The following PTPRG variants were observed in gnomAD, a reference collection of about 807,000 sequenced individuals.
PTPRG encodes receptor-type tyrosine-protein phosphatase gamma.
In PTPRG, 102 loss-of-function variants were observed where a neutral mutation model predicts 165.3. The ratio of observed to expected loss-of-function variants is 0.62; its 90% CI spans 0.53 to 0.73. The LOEUF (loss-of-function observed/expected upper bound fraction) is 0.73. Ranked by LOEUF, PTPRG falls within the 30% of genes least tolerant of loss-of-function variation. The pLI is 0.00. For missense variants in PTPRG, 1,866 were observed against 1,861.4 expected (o/e 1.00, Z -0.05); for synonymous variants, 675 against 669.5 (o/e 1.01, Z -0.13).
chr3:61,951,126 C>T (rs947016595), intron 2 of PTPRG, among the ~76,000 whole-genome samples: 1 of 152,220 alleles, frequency 6.6e-6, no homozygotes. Flanking sequence ...AGTGATAATG[C>T]ATGCCTATAC....
intron 1 of PTPRG, among the ~76,000 whole-genome samples, chr3:61,706,175 T>TA (rs1484629699): frequency 1.3e-5 from 2 of 150,160 alleles, no homozygotes; most frequent in African/African-American, 4.9e-5. Flanking sequence ...GGGCTATCAC[T>TA]AAAAAAAGAA....
At chr3:61,644,829 A>T (rs1319926604) in intron 1 of PTPRG, among the ~76,000 whole-genome samples, 1 of 152,172 alleles carries the variant, frequency 6.6e-6, no homozygotes. Flanking sequence ...AGATTGCTGG[A>T]ACTTTGTGCC....
chr3:61,594,109 G>A (rs939389158), intron 1 of PTPRG, among the ~76,000 whole-genome samples: 2 of 152,108 alleles, frequency 1.3e-5, no homozygotes, highest in African/African-American at 4.8e-5. Context: ...ACTAGGCATG[G>A]TTCTTAACAG....
chr3:62,053,635 G>A (rs759841846), intron 4 of PTPRG, among the ~76,000 whole-genome samples: 1 of 152,154 alleles, frequency 6.6e-6, no homozygotes, highest in Non-Finnish European at 1.5e-5. Context: ...TTTGTTTGCT[G>A]TAAGAAAGAT....
At chr3:61,659,132 T>C (rs886125757) in intron 1 of PTPRG, among the ~76,000 whole-genome samples, 14 of 152,144 alleles carry the variant, frequency 9.2e-5, no homozygotes, top group African/African-American at 3.4e-4. Flanking sequence ...CCTGAAAGCC[T>C]TTGGTAATCC....
chr3:61,613,565 A>G (rs1701232139), intron 1 of PTPRG, among the ~76,000 whole-genome samples: 1 of 152,216 alleles, frequency 6.6e-6, no homozygotes, highest in Non-Finnish European at 1.5e-5. Context: ...GCCAGGTACA[A>G]TCTTTGATGA....
chr3:61,959,392 G>A (rs1182855650), intron 2 of PTPRG, among the ~76,000 whole-genome samples: 3 of 152,128 alleles, frequency 2.0e-5, no homozygotes, highest in Non-Finnish European at 2.9e-5. Context: ...TTTTTCCATG[G>A]GGGGATGGTT....
chr3:61,657,410 C>G (rs1702537114), intron 1 of PTPRG, among the ~76,000 whole-genome samples: 1 of 152,012 alleles, frequency 6.6e-6, no homozygotes, highest in Non-Finnish European at 1.5e-5. Flanking sequence ...GCAAGGTGCT[C>G]CATTTTGAGG....
chr3:61,957,126 G>T (rs2040050915), intron 2 of PTPRG, among the ~76,000 whole-genome samples: 1 of 152,190 alleles, frequency 6.6e-6, no homozygotes, highest in South Asian at 2.1e-4. Flanking sequence ...AGCCATGTAT[G>T]TTTAACTGAG....
chr3:62,043,822 A>G (rs1700202024), intron 4 of PTPRG, among the ~76,000 whole-genome samples: 1 of 152,224 alleles, frequency 6.6e-6, no homozygotes, highest in South Asian at 2.1e-4. Flanking sequence ...GTCAATTCGG[A>G]AGAAAATACG....
intron 4 of PTPRG, among the ~76,000 whole-genome samples, chr3:62,051,094 T>C (rs1030792414): frequency 6.6e-6 from 1 of 152,164 alleles, no homozygotes; most frequent in African/African-American, 2.4e-5. Context: ...GAAAGCCACT[T>C]TCGGGCATAA....
At chr3:61,985,150 G>T (rs1050747275) in intron 2 of PTPRG, among the ~76,000 whole-genome samples, 5 of 152,192 alleles carry the variant, frequency 3.3e-5, no homozygotes, top group Non-Finnish European at 7.3e-5. Context: ...TTGCCAGAGG[G>T]GCGAACTCTA....
At chr3:62,024,580 G>A (rs1485427013) in intron 4 of PTPRG, among the ~76,000 whole-genome samples, 3 of 152,140 alleles carry the variant, frequency 2.0e-5, no homozygotes, top group East Asian at 1.9e-4. Context: ...GAGTTGATAC[G>A]AGTTTCACTA....
At chr3:61,973,489 TC>T (rs1242638808) in intron 2 of PTPRG, among the ~76,000 whole-genome samples, 4 of 152,292 alleles carry the variant, frequency 2.6e-5, no homozygotes, top group Middle Eastern at 3.4e-3. Flanking sequence ...TTCCTATTAA[TC>T]GTATTTTTTA....
intron 5 of PTPRG, chr3:62,124,327 C>A: frequency 6.2e-7 from 1 of 1,611,058 alleles, no homozygotes; most frequent in Non-Finnish European, 8.5e-7. Context: ...CCTGGTTCTG[C>A]CCGGGTCTCT....
chr3:61,908,565 C>G (rs2038717834), intron 2 of PTPRG, among the ~76,000 whole-genome samples: 1 of 151,994 alleles, frequency 6.6e-6, no homozygotes, highest in African/African-American at 2.4e-5. Context: ...ATCAACAGTT[C>G]AATCCTGTAT....
chr3:61,944,412 C>T (rs1045420887), intron 2 of PTPRG, among the ~76,000 whole-genome samples: 1 of 152,148 alleles, frequency 6.6e-6, no homozygotes, highest in African/African-American at 2.4e-5. Context: ...AGGTGGACAC[C>T]GTGCTTCCAT....
chr3:62,192,502 G>A (rs544487628), intron 9 of PTPRG, among the ~76,000 whole-genome samples: 65 of 141,776 alleles, frequency 4.6e-4, no homozygotes, highest in Admixed American at 8.2e-4. Flanking sequence ...TCCACCTCCC[G>A]GGTTCATGCC....
chr3:61,847,364 C>A (rs918120396), intron 2 of PTPRG, among the ~76,000 whole-genome samples: 2 of 152,164 alleles, frequency 1.3e-5, no homozygotes, highest in African/African-American at 4.8e-5. Context: ...TGGAGTAGAT[C>A]TTCCCCTCAT....
Sources: allele counts gnomAD v4.1 joint callset (sites outside exome capture counted in the v4.1 genomes callset), GRCh38; gene constraint gnomAD v4.1.1; transcripts MANE v1.5; gene names NCBI Gene and HGNC (gene_info 2026-07-23, HGNC 2026-07-21).